MTOR: variants seen among roughly 807,000 people sequenced by gnomAD.
MTOR encodes mechanistic target of rapamycin kinase.
In MTOR, 70 loss-of-function variants were observed where a neutral mutation model predicts 319.8. That is an observed-to-expected ratio of 0.22 (90% confidence interval 0.18 to 0.27). MTOR has a LOEUF of 0.27. Among genes scored for constraint, MTOR ranks in the 10% least tolerant of loss-of-function variants. The probability of loss-of-function intolerance (pLI) is 1.00; values close to 1 mark genes in which losing one functional copy is unlikely to be tolerated. For synonymous variants in MTOR, 1,183 were observed against 1,211.4 expected (o/e 0.98, Z 0.49); for missense variants, 1,890 against 3,274.4 (o/e 0.58, Z 10.32).
intron 34 of MTOR, among the ~76,000 whole-genome samples, chr1:11,140,540 G>C (rs1643648640): frequency 6.6e-6 from 1 of 152,176 alleles, no homozygotes; most frequent in Admixed American, 6.5e-5. Flanking sequence ...CGGGTCTGGG[G>C]ACCCCTGCCC....
chr1:11,237,749 C>G, intron 13 of MTOR, 94 bp downstream of exon 13: 1 of 1,365,788 alleles, frequency 7.3e-7, no homozygotes. Flanking sequence ...AATCTTTCTC[C>G]CCCATCCTTG....
chr1:11,249,769 A>G lies in MTOR; in HGVS notation c.841-1675T>C, dbSNP rs571310576. Among the ~76,000 whole-genome samples, 1,184 of 146,924 alleles carry G rather than the reference A, an allele frequency of 8.1e-3. 10 individuals are homozygous for G. The highest frequency in any genetic ancestry group is 0.014 in the Non-Finnish European group (954 of 66,486). On this transcript the variant is annotated intron_variant, in intron 6 of 57. Transcript: ENST00000361445. ...CAGATCAACAGGATCCCAAGGCAGA[A>G]GAATTTTTCTTAGTACAGAACAAAA...
At chr1:11,142,497 T>C (rs892202262) in intron 34 of MTOR, among the ~76,000 whole-genome samples, 6 of 151,924 alleles carry the variant, frequency 3.9e-5, no homozygotes, top group African/African-American at 1.5e-4. Context: ...GGTTTCTCTA[T>C]GTTGGCCAGG....
chr1:11,130,863 A>AGCT, intron 38 of MTOR, 86 bp from the exon 39 acceptor site: 1 of 1,478,260 alleles, frequency 6.8e-7, no homozygotes, highest in Non-Finnish European at 9.0e-7. Context: ...GCTGAGGAAC[A>AGCT]GCTGCTCCTG....
intron 34 of MTOR, among the ~76,000 whole-genome samples, chr1:11,142,646 G>A (rs766737677): frequency 6.6e-6 from 1 of 152,068 alleles, no homozygotes; most frequent in Non-Finnish European, 1.5e-5. Flanking sequence ...ACTCAGAAGG[G>A]GAGTTCCTGA....
intron 30 of MTOR, among the ~76,000 whole-genome samples, chr1:11,154,811 T>C (rs34889369): frequency 0.015 from 2,227 of 151,958 alleles, 27 homozygotes; most frequent in Non-Finnish European, 0.024. Context: ...ATCACACCAC[T>C]GTACTCCACT....
At chr1:11,166,079 A>G (rs1183990950) in intron 29 of MTOR, among the ~76,000 whole-genome samples, 1 of 152,238 alleles carries the variant, frequency 6.6e-6, no homozygotes, top group East Asian at 1.9e-4. Flanking sequence ...CTTACATCTT[A>G]TACAAAAATC....
In MTOR at chr1:11,130,583, G is replaced by T. The variant is rs559172204; in HGVS notation, c.5559C>A (p.Ala1853=). Residue 1853 remains alanine, a synonymous_variant, in exon 39 of 58, where the codon GCC becomes GCA. Coordinates refer to ENST00000361445, the MANE Select transcript of MTOR (RefSeq NM_004958.4). ...STEGSNSESE[A]ESTENSPTPS... Reference sequence around the variant, plus strand: ...GGGTGGGGCTGTTCTCGGTGCTCTCGGCCTCGCTCTCACTGTTGCTGCCCT... The same window carrying T: ...GGGTGGGGCTGTTCTCGGTGCTCTCTGCCTCGCTCTCACTGTTGCTGCCCT... 3 of 1,613,474 alleles carry T rather than the reference G, an allele frequency of 1.9e-6. No homozygotes were observed. The highest frequency in any genetic ancestry group is 3.3e-5 in the Admixed American group (2 of 59,974).
chr1:11,114,513 C>T (rs1410289391), intron 52 of MTOR, 60 bp from the exon 53 acceptor site: 35 of 1,605,582 alleles, frequency 2.2e-5, no homozygotes, highest in East Asian at 4.5e-5. Context: ...CAAAGCAAGC[C>T]GAGGGGGTCT....
Position 11,134,610 on chromosome 1 carries a change from G to C in MTOR, c.5131-144C>G, listed in dbSNP as rs184651086. 648 of 630,944 alleles carry C rather than the reference G, an allele frequency of 1.0e-3. 1 individual carries two copies. The highest frequency in any genetic ancestry group is 7.2e-3 in the East Asian group (261 of 36,134). 39.1% of individuals were successfully genotyped at this position (630,944 alleles called of 1,614,324 possible). The stretch of plus-strand genomic sequence containing the variant: ...CACAGAATGATGACCCCATAGGACA[G>C]AGGACCAGGGCGTGATACTGGGAGA... On this transcript the variant is annotated intron_variant, in intron 36 of 57. Coordinates refer to ENST00000361445, the MANE Select transcript of MTOR (RefSeq NM_004958.4).
At chr1:11,241,895 G>GGGCCATC in intron 9 of MTOR, among the ~76,000 whole-genome samples, 1 of 152,310 alleles carries the variant, frequency 6.6e-6, no homozygotes, top group African/African-American at 2.4e-5. Context: ...TGGCAGTAAA[G>GGGCCATC]TGTCTTAAGG....
At chr1:11,188,665 T>C (rs985231384) in intron 28 of MTOR, among the ~76,000 whole-genome samples, 1 of 152,234 alleles carries the variant, frequency 6.6e-6, no homozygotes, top group African/African-American at 2.4e-5. Context: ...TATATGCTAA[T>C]ACTGGCCCTC....
intron 1 of MTOR, among the ~76,000 whole-genome samples, chr1:11,261,584 C>T (rs912263445): frequency 2.6e-5 from 4 of 152,124 alleles, no homozygotes; most frequent in Admixed American, 6.5e-5. Context: ...TCAGCTTATG[C>T]TACAAAACCA....
At chr1:11,213,266 G>A (rs1646366576) in intron 21 of MTOR, 133 bp downstream of exon 21, 1 of 882,850 alleles carries the variant, frequency 1.1e-6, no homozygotes, top group Non-Finnish European at 1.7e-6. Flanking sequence ...TTGGGTATTA[G>A]TATTCTTGGG....
chr1:11,211,876 G>T (rs1646323582), intron 23 of MTOR, among the ~76,000 whole-genome samples: 1 of 152,104 alleles, frequency 6.6e-6, no homozygotes, highest in African/African-American at 2.4e-5. Context: ...TGAGCAAGCT[G>T]CCACCTCAAC....
rs28990994 is a variant in MTOR at position 11,190,904 on chromosome 1, G to C, written c.4253+8354C>G. Among the ~76,000 whole-genome samples, 504 of 152,264 alleles carry C rather than the reference G, an allele frequency of 3.3e-3. 1 individual carries two copies. The highest frequency in any genetic ancestry group is 6.3e-3 in the Non-Finnish European group (427 of 68,012). On this transcript the variant is annotated intron_variant, in intron 28 of 57. Coordinates refer to ENST00000361445, the MANE Select transcript of MTOR (RefSeq NM_004958.4). ...AATGGTTAACCTCAGCTCAAATTAA[G>C]AAAAAGTTTTAACATGAAACCAAGC...
chr1:11,114,185 G>C (rs1003387044), intron 53 of MTOR, 133 bp downstream of exon 53: 11 of 1,033,374 alleles, frequency 1.1e-5, no homozygotes, highest in Non-Finnish European at 1.5e-5. Flanking sequence ...TTGCAGAAAG[G>C]GGTCTTACTA....
intron 24 of MTOR, among the ~76,000 whole-genome samples, chr1:11,210,115 G>A (rs771049891): frequency 1.3e-5 from 2 of 152,112 alleles, no homozygotes; most frequent in Non-Finnish European, 2.9e-5. Flanking sequence ...TGATCCTCCC[G>A]CCTCAGCCTC....
At position 11,228,833 on chromosome 1, in the gene MTOR, C is replaced by T. The variant is rs1646929702; in HGVS notation, c.2865G>A (p.Leu955=). Residue 955 remains leucine (L), a synonymous_variant, in exon 19 of 58, where the codon CTG becomes CTA. Coordinates refer to ENST00000361445, the MANE Select transcript of MTOR (RefSeq NM_004958.4). ...GTGACTGGTCTCGGAAGATCCGCAT[C>T]AGGGCCACCATGGACACAGCTGGGT... is the stretch of plus-strand genomic sequence containing the variant. ...EFYPAVSMVA[L]MRIFRDQSLS... 6.2e-7 allele frequency: 1 copy of T among 1,614,172 alleles called. No individual in the cohort carries two copies. The highest frequency in any genetic ancestry group is 2.2e-5 in the East Asian group (1 of 44,872).
Sources: allele counts gnomAD v4.1 joint callset (sites outside exome capture counted in the v4.1 genomes callset), GRCh38; gene constraint gnomAD v4.1.1; transcripts MANE v1.5; gene names NCBI Gene and HGNC (gene_info 2026-07-23, HGNC 2026-07-21).